The following NUFIP2 variants were observed in gnomAD, a reference collection of about 807,000 sequenced individuals.
The protein encoded by NUFIP2 is nuclear FMR1 interacting protein 2.
Under a neutral mutation model 56.9 loss-of-function variants are expected in NUFIP2, and 6 were observed. The ratio of observed to expected loss-of-function variants is 0.11; its 90% confidence interval spans 0.06 to 0.21. The LOEUF is 0.21. Among genes scored for constraint, NUFIP2 ranks in the 10% least tolerant of loss-of-function variants. The probability of loss-of-function intolerance (pLI) is 1.00; values close to 1 mark genes in which losing one functional copy is unlikely to be tolerated. For synonymous variants in NUFIP2, 321 were observed against 298.2 expected (o/e 1.08, Z -0.79); for missense variants, 828 against 826.8 (o/e 1.00, Z -0.02).
intron 2 of NUFIP2, among the ~76,000 whole-genome samples, chr17:29,281,827 C>T (rs1476900561): frequency 3.3e-5 from 5 of 150,704 alleles, no homozygotes; most frequent in Non-Finnish European, 5.9e-5. Flanking sequence ...TGCAGTGGCA[C>T]GATCTCAGCT....
At chr17:29,270,731 G>T (rs1008607780) in intron 2 of NUFIP2, among the ~76,000 whole-genome samples, 1 of 152,028 alleles carries the variant, frequency 6.6e-6, no homozygotes, top group South Asian at 2.1e-4. Context: ...TGTAATCCCA[G>T]TACTTTGGGA....
rs982904424 is a variant in NUFIP2, at chr17:29,260,428, T to C, written c.*4111A>G. ...TGGCCCAGCGGCATAACTATACTAA[T>C]AATACCTGGAAATTGGACTTTTAAT... On this transcript the variant is annotated 3_prime_UTR_variant, in exon 4 of 4. Transcript: ENST00000225388. 6.6e-6 allele frequency: 1 copy of C among 152,256 alleles called. No homozygotes were observed. The highest frequency in any genetic ancestry group is 1.5e-5 in the Non-Finnish European group (1 of 68,050). The allele number at this position is 152,256 out of a possible 1,614,324, so 9.4% of individuals were successfully genotyped here.
chr17:29,290,463 C>T (rs980204573), intron 1 of NUFIP2, among the ~76,000 whole-genome samples: 4 of 150,924 alleles, frequency 2.7e-5, no homozygotes, highest in Non-Finnish European at 4.4e-5. Context: ...GAGACCAGTC[C>T]GGCCAACATG....
intron 2 of NUFIP2, among the ~76,000 whole-genome samples, chr17:29,283,672 G>A (rs571906768): frequency 2.0e-5 from 3 of 152,182 alleles, no homozygotes; most frequent in Non-Finnish European, 2.9e-5. Context: ...AAAATACTTC[G>A]GTAAACATTT....
chr17:29,282,752 G>C (rs1456835893), intron 2 of NUFIP2, among the ~76,000 whole-genome samples: 2 of 151,966 alleles, frequency 1.3e-5, no homozygotes, highest in Admixed American at 1.3e-4. Flanking sequence ...TACTCACTTA[G>C]AGATTACTAC....
chr17:29,287,717 C>T lies in NUFIP2; in HGVS notation c.278-1G>A. ...GCATTACCGTTTAGTTCACCATAGC[C>T]TAGGGGAGGGGAAAAAAAGGATTAA... On this transcript the variant is annotated splice_acceptor_variant, in intron 1 of 3. Transcript: ENST00000225388. LOFTEE classifies it high-confidence loss of function. The T allele has an allele frequency of 6.4e-7, 1 of 1,566,904 alleles. No homozygotes were observed. The highest frequency in any genetic ancestry group is 8.6e-7 in the Non-Finnish European group (1 of 1,164,922).
In NUFIP2 at chr17:29,286,389, T is replaced by C. The variant is rs1369746936; in HGVS notation, c.1605A>G (p.Thr535=). The stretch of plus-strand genomic sequence containing the variant: ...AAGTAGCAGGATATTCTCCTTGAAA[T>C]GTCACCTCCATCACTTTATGCTCTG... The part of the protein sequence containing the change: ...KSSEHKVMEV[T]FQGEYPATLV... Residue 535 remains threonine (T), a synonymous_variant, in exon 2 of 4, where the codon ACA becomes ACG. Coordinates refer to ENST00000225388, the MANE Select transcript of NUFIP2 (RefSeq NM_020772.3). The C allele has an allele frequency of 2.5e-6, 4 of 1,614,176 alleles. No individual in the cohort carries two copies. Among genetic ancestry groups the C allele is most frequent in the Non-Finnish European group, 2.5e-6 (3 of 1,180,042 alleles).
intron 3 of NUFIP2, among the ~76,000 whole-genome samples, chr17:29,267,028 C>A (rs1236214227): frequency 6.6e-6 from 1 of 151,696 alleles, no homozygotes; most frequent in East Asian, 1.9e-4. Context: ...CTCAGCCTCC[C>A]AAGTAGCTGG....
intron 1 of NUFIP2, 49 bp from the exon 2 acceptor site, chr17:29,287,765 A>G: frequency 6.8e-7 from 1 of 1,472,506 alleles, no homozygotes; most frequent in Non-Finnish European, 9.1e-7. Context: ...CAACATGTAA[A>G]TTACACTAAT....
rs985497410 is a variant in NUFIP2 at position 29,261,649 on chromosome 17, A to G, written c.*2890T>C. ...GATCAACTCTTAAGATTTTTTTTTA[A>G]TAAGTGCTCTGTAAGGAATTGTGTG... On this transcript the variant is annotated 3_prime_UTR_variant, in exon 4 of 4. Coordinates refer to ENST00000225388, the MANE Select transcript of NUFIP2 (RefSeq NM_020772.3). 5 of 152,556 alleles carry G rather than the reference A, an allele frequency of 3.3e-5. No individual in the cohort carries two copies. Among genetic ancestry groups the G allele is most frequent in the Non-Finnish European group, 7.4e-5 (5 of 67,982 alleles). The allele number at this position is 152,556 out of a possible 1,614,324, so 9.5% of individuals were successfully genotyped here. A position where few individuals can be genotyped will look rare whatever the true frequency, so the allele number is the denominator to read the frequency against.
At position 29,267,472 on chromosome 17, in the gene NUFIP2, A is replaced by C. The variant is rs777101857; in HGVS notation, c.2035+26T>G. ...TGTCCAGTGGTTACTTATTAGTGAC[A>C]TTTTAAGTAATCTAATCATTCTTAC... On this transcript the variant is annotated intron_variant, in intron 3 of 3. Coordinates refer to ENST00000225388, the MANE Select transcript of NUFIP2 (RefSeq NM_020772.3). 2.2e-6 allele frequency: 3 copies of C among 1,343,970 alleles called. No homozygotes were observed. The African/African-American group carries it at 4.5e-5, about 20-fold the overall frequency. The allele number at this position is 1,343,970 out of a possible 1,614,324, so 83.3% of individuals were successfully genotyped here. A position where few individuals can be genotyped will look rare whatever the true frequency, so the allele number is the denominator to read the frequency against.
chr17:29,266,712 C>T (rs1263723676), intron 3 of NUFIP2, among the ~76,000 whole-genome samples: 1 of 151,544 alleles, frequency 6.6e-6, no homozygotes, highest in Non-Finnish European at 1.5e-5. Context: ...TTGTTGGTTT[C>T]CTACATTAAT....
chr17:29,263,765 TAG>T lies in NUFIP2; in HGVS notation c.*772_*773del, dbSNP rs1438039153. ...GCAACTTTTCTTTAAATGACACGCA[TAG>T]ATTCTTCAGTTGTTAAAGTCCAATA... On this transcript the variant is annotated 3_prime_UTR_variant, in exon 4 of 4. Coordinates refer to ENST00000225388, the MANE Select transcript of NUFIP2 (RefSeq NM_020772.3). 6.6e-6 allele frequency: 1 copy of T among 152,610 alleles called. No individual in the cohort carries two copies. Among genetic ancestry groups the T allele is most frequent in the East Asian group, 1.9e-4 (1 of 5,188 alleles). The allele number at this position is 152,610 out of a possible 1,614,324, so 9.5% of individuals were successfully genotyped here.
rs773227583 is a variant in NUFIP2, at chr17:29,287,438, T to C, written c.556A>G (p.Ile186Val). The C allele has an allele frequency of 3.1e-6, 5 of 1,614,054 alleles. No homozygotes were observed. Among genetic ancestry groups the C allele is most frequent in the East Asian group, 4.5e-5 (2 of 44,888 alleles). The change falls in exon 2 of 4, where the codon ATT becomes GTT. Residue 186 changes from isoleucine (I) to valine (V), a missense_variant. This residue lies in a region of NUFIP2 where 415 missense variants were observed against 408.7 expected (regional missense o/e 1.02). Transcript: ENST00000225388. ...TTATTTGTTACCACACCATTTGGAA[T>C]TGGTATAGTATCAGACTTATCTACA... ...QSVDKSDTIP[I>V]PNGVVTNNSG...
At chr17:29,278,269 C>CA (rs1015095126) in intron 2 of NUFIP2, among the ~76,000 whole-genome samples, 18 of 151,102 alleles carry the variant, frequency 1.2e-4, no homozygotes, top group African/African-American at 3.9e-4. Context: ...TTTTTTGAGA[C>CA]AGAGTCTCGC....
rs2068979166 is a variant in NUFIP2 at position 29,257,826 on chromosome 17, T to G, written c.*6713A>C. The G allele has an allele frequency of 6.6e-6, 1 of 151,832 alleles. No individual in the cohort carries two copies. Among genetic ancestry groups the G allele is most frequent in the South Asian group, 2.1e-4 (1 of 4,812 alleles). 9.4% of individuals were successfully genotyped at this position (151,832 alleles called of 1,614,324 possible). A position where few individuals can be genotyped will look rare whatever the true frequency, so the allele number is the denominator to read the frequency against. On this transcript the variant is annotated 3_prime_UTR_variant, in exon 4 of 4. Transcript: ENST00000225388. ...AGAAGGTGCTGAGGGGAGAAGGGAG[T>G]GAAGAATCCTTTTACTATTTCCCAC...
intron 2 of NUFIP2, among the ~76,000 whole-genome samples, chr17:29,282,812 C>CT (rs1445984982): frequency 6.6e-6 from 1 of 151,948 alleles, no homozygotes; most frequent in Non-Finnish European, 1.5e-5. Context: ...TACAGATGTT[C>CT]TTAAAGGATA....
chr17:29,271,959 G>A (rs2069075725), intron 2 of NUFIP2, among the ~76,000 whole-genome samples: 1 of 151,134 alleles, frequency 6.6e-6, no homozygotes, highest in African/African-American at 2.4e-5. Flanking sequence ...GGTAGTCCTA[G>A]CTACTCAGGA....
Position 29,287,706 on chromosome 17 carries a change from T to A in NUFIP2, c.288A>T (p.Glu96Asp), listed in dbSNP as rs2069186741. ...CTCTTTCTCCAGCATTACCGTTTAGTTCACCATAGCCTAGGGGAGGGGAAA... is the reference window on the plus strand; with the variant it reads ...CTCTTTCTCCAGCATTACCGTTTAGATCACCATAGCCTAGGGGAGGGGAAA... ...ETPKKKTGYGELNGNAGEREI... is the reference protein window; with the variant it reads ...ETPKKKTGYGDLNGNAGEREI... The change falls in exon 2 of 4, where the codon GAA becomes GAT. Residue 96 changes from glutamate (E) to aspartate (D), a missense_variant. By Grantham distance (45) the Glu-to-Asp change is conservative. Around this residue, in one of 3 missense-constraint regions of NUFIP2, gnomAD observed 415 missense variants for 408.7 expected, o/e 1.02. Coordinates refer to ENST00000225388, the MANE Select transcript of NUFIP2 (RefSeq NM_020772.3). The A allele has an allele frequency of 6.2e-7, 1 of 1,604,730 alleles. No individual in the cohort carries two copies. Among genetic ancestry groups the A allele is most frequent in the African/African-American group, 1.4e-5 (1 of 73,776 alleles).
Sources: gnomAD v4.1 joint callset for allele counts (sites outside exome capture counted in the v4.1 genomes callset) on GRCh38, gnomAD v4.1.1 for gene constraint, gnomAD v4.1.1 regional missense constraint, MANE v1.5 for transcripts, NCBI Gene and HGNC (gene_info 2026-07-23, HGNC 2026-07-21) for gene names.